TCP11L1: variants seen among roughly 807,000 people sequenced by gnomAD.
TCP11L1 encodes t-complex 11 like 1.
A neutral mutation model predicts 48.9 loss-of-function variants in TCP11L1; 28 were observed. The ratio of observed to expected loss-of-function variants is 0.57; its 90% confidence interval spans 0.42 to 0.78. The LOEUF (loss-of-function observed/expected upper bound fraction) is 0.78. Ranked by LOEUF, TCP11L1 falls within the 30% of genes least tolerant of loss-of-function variation. The pLI is 0.00. For missense variants in TCP11L1, 505 were observed against 613.4 expected (o/e 0.82, Z 1.87); for synonymous variants, 204 against 231.9 (o/e 0.88, Z 1.09).
rs902841312 is a variant in TCP11L1, at chr11:33,072,730, C to G, written c.*54C>G. 4.4e-6 allele frequency: 7 copies of G among 1,594,208 alleles called. No homozygotes were observed. The African/African-American group carries it at 9.4e-5, about 21-fold the overall frequency. ...ACTCACTAGCCACAGAATACCTGTT[C>G]TGTACTCTAATGTTGCATTGGAAAA... On this transcript the variant is annotated 3_prime_UTR_variant, in exon 10 of 10. Transcript: ENST00000334274.
At chr11:33,069,435 T>G (rs1317233616) in intron 9 of TCP11L1, among the ~76,000 whole-genome samples, 1 of 151,800 alleles carries the variant, frequency 6.6e-6, no homozygotes, top group East Asian at 1.9e-4. Context: ...TTAAAATATT[T>G]TAATGCATAT....
At position 33,049,641 on chromosome 11, in the gene TCP11L1, G is replaced by T. The variant is rs181185136; in HGVS notation, c.164-4952G>T. On this transcript the variant is annotated intron_variant, in intron 2 of 9. Transcript: ENST00000334274. Reference sequence around the variant, plus strand: ...AAAGGTACTGTGCCTTGATGTGCACGGATACAAACTTCTGGGTGCATTAAA... The same window carrying T: ...AAAGGTACTGTGCCTTGATGTGCACTGATACAAACTTCTGGGTGCATTAAA... Among the ~76,000 whole-genome samples the T allele has an allele frequency of 9.9e-5, 15 of 152,168 alleles. No homozygotes were observed. The East Asian group carries it at 2.9e-3, about 29-fold the overall frequency.
chr11:33,068,721 G>A lies in TCP11L1; in HGVS notation c.1189G>A (p.Gly397Arg), dbSNP rs1446162769. 8 of 1,613,940 alleles carry A rather than the reference G, an allele frequency of 5.0e-6. No homozygotes were observed. Among genetic ancestry groups the A allele is most frequent in the South Asian group, 3.3e-5 (3 of 91,070 alleles). Residue 397 changes from glycine (G) to arginine (R), a missense_variant, in exon 9 of 10, where the codon GGG becomes AGG. By Grantham distance (125) the Gly-to-Arg change is moderately radical (BLOSUM62 -2). Transcript: ENST00000334274. ...TCTGAAGGACGTCCTCACTACCATC[G>A]GGGAGAAGGTGTGCCTGGAGGTGAG... Reference protein sequence around the residue: ...FHLKDVLTTIGEKVCLEVSSC... With the variant: ...FHLKDVLTTIREKVCLEVSSC...
Position 33,070,052 on chromosome 11 carries a change from G to A in TCP11L1, c.1327+1193G>A, listed in dbSNP as rs369072878. Reference sequence around the variant, plus strand: ...GATTGAAAACCAGCCCTTAAGGGGAGGATCACTTAAAACCAGGAGTTCGAG... The same window carrying A: ...GATTGAAAACCAGCCCTTAAGGGGAAGATCACTTAAAACCAGGAGTTCGAG... On this transcript the variant is annotated intron_variant, in intron 9 of 9. Transcript: ENST00000334274. Among the ~76,000 whole-genome samples, 19 of 152,088 alleles carry A rather than the reference G, an allele frequency of 1.2e-4. No homozygotes were observed. The East Asian group carries it at 1.7e-3, about 14-fold the overall frequency.
chr11:33,069,447 C>G (rs1283214937), intron 9 of TCP11L1, among the ~76,000 whole-genome samples: 1 of 151,476 alleles, frequency 6.6e-6, no homozygotes, highest in Non-Finnish European at 1.5e-5. Context: ...AATGCATATT[C>G]TATAAAATAT....
chr11:33,061,429 A>T, intron 6 of TCP11L1, 101 bp from the exon 7 acceptor site: 1 of 1,169,030 alleles, frequency 8.6e-7, no homozygotes. Context: ...TTCATACTTT[A>T]TACTTTATCA....
chr11:33,069,709 A>C (rs958861620), intron 9 of TCP11L1, among the ~76,000 whole-genome samples: 3 of 152,084 alleles, frequency 2.0e-5, no homozygotes, highest in African/African-American at 7.2e-5. Context: ...AGGCTCAAGC[A>C]GTCCTCCCAC....
intron 9 of TCP11L1, among the ~76,000 whole-genome samples, chr11:33,069,794 AT>A (rs1749160415): frequency 1.3e-5 from 2 of 152,120 alleles, no homozygotes; most frequent in African/African-American, 4.8e-5. Context: ...TCTTCTAAAG[AT>A]GGGGTTTTGC....
At chr11:33,049,283 T>G (rs1854088820) in intron 2 of TCP11L1, among the ~76,000 whole-genome samples, 1 of 151,114 alleles carries the variant, frequency 6.6e-6, no homozygotes, top group Non-Finnish European at 1.5e-5. Flanking sequence ...CCAGAGGACT[T>G]GATGTGATGT....
intron 2 of TCP11L1, among the ~76,000 whole-genome samples, chr11:33,045,257 G>A (rs1037766063): frequency 3.9e-5 from 6 of 151,934 alleles, no homozygotes; most frequent in African/African-American, 1.2e-4. Context: ...TGGGGCTAAG[G>A]CAGGAGGATC....
At chr11:33,057,056 G>T in intron 3 of TCP11L1, 59 bp from the exon 4 acceptor site, 1 of 1,609,084 alleles carries the variant, frequency 6.2e-7, no homozygotes. Flanking sequence ...TTTTGAAAGT[G>T]ATTTGAAACT....
intron 7 of TCP11L1, among the ~76,000 whole-genome samples, chr11:33,064,307 C>T (rs183809728): frequency 2.6e-5 from 4 of 152,252 alleles, no homozygotes; most frequent in African/African-American, 7.2e-5. Flanking sequence ...AACAGGCCGA[C>T]GATGAGTCCT....
Position 33,072,699 on chromosome 11 carries a change from A to G in TCP11L1, c.*23A>G, listed in dbSNP as rs1278487843. On this transcript the variant is annotated 3_prime_UTR_variant, in exon 10 of 10. Transcript: ENST00000334274. ...TAACGTGTATGCACCCTACAGCAGC[A>G]GTATTACTCACTAGCCACAGAATAC... 1 of 1,613,238 alleles carries G rather than the reference A, an allele frequency of 6.2e-7. No individual in the cohort carries two copies. The highest frequency in any genetic ancestry group is 1.1e-5 in the South Asian group (1 of 91,056).
In TCP11L1 at chr11:33,054,793, T is replaced by C; in HGVS notation, c.296+68T>C. ...ATTTCCCAGTTTTGAAAATGTTTCC[T>C]TCAGTTGATACCAATATATTCAAAC... On this transcript the variant is annotated intron_variant, in intron 3 of 9. Transcript: ENST00000334274. The C allele has an allele frequency of 3.3e-6, 5 of 1,529,306 alleles. No homozygotes were observed. The South Asian group carries it at 6.1e-5, about 19-fold the overall frequency. The allele number at this position is 1,529,306 out of a possible 1,614,324, so 94.7% of individuals were successfully genotyped here.
intron 1 of TCP11L1, 101 bp from the exon 2 acceptor site, chr11:33,043,647 CTG>C: frequency 1.0e-6 from 1 of 973,638 alleles, no homozygotes; most frequent in Non-Finnish European, 1.5e-6. Flanking sequence ...AACGAGAAAA[CTG>C]AAACCCAAAG....
chr11:33,059,208 ATAG>A, intron 6 of TCP11L1, 113 bp downstream of exon 6: 1 of 1,393,170 alleles, frequency 7.2e-7, no homozygotes, highest in East Asian at 2.3e-5. Context: ...TAGTAGGAGA[ATAG>A]TCTAATTTGA....
intron 1 of TCP11L1, among the ~76,000 whole-genome samples, chr11:33,042,459 A>T (rs1853866517): frequency 6.6e-6 from 1 of 151,880 alleles, no homozygotes; most frequent in Admixed American, 6.6e-5. Context: ...ACCTTTTATT[A>T]ACTGCTCCAA....
chr11:33,061,865 G>A (rs1405863206), intron 7 of TCP11L1, 139 bp downstream of exon 7: 1 of 841,270 alleles, frequency 1.2e-6, no homozygotes, highest in Non-Finnish European at 1.7e-6. Flanking sequence ...CAGATTGCTT[G>A]AGGTCAGGAG....
At chr11:33,056,364 G>A (rs972985159) in intron 3 of TCP11L1, among the ~76,000 whole-genome samples, 1 of 152,152 alleles carries the variant, frequency 6.6e-6, no homozygotes, top group Non-Finnish European at 1.5e-5. Context: ...TCCCGCCTTG[G>A]CCTCCCAAAA....
Sources: gnomAD v4.1 joint callset for allele counts (sites outside exome capture counted in the v4.1 genomes callset) on GRCh38, gnomAD v4.1.1 for gene constraint, MANE v1.5 for transcripts, NCBI Gene and HGNC (gene_info 2026-07-23, HGNC 2026-07-21) for gene names.